Variants in EPAS1 observed in about 807,000 individuals in gnomAD.
EPAS1 encodes the protein endothelial PAS domain protein 1, also known as endothelial PAS domain-containing protein 1.
Under a neutral mutation model 87.9 loss-of-function variants are expected in EPAS1, and 23 were observed. The ratio of observed to expected loss-of-function variants is 0.26; its 90% CI spans 0.19 to 0.37. EPAS1 has a LOEUF of 0.37. Ranked by LOEUF, EPAS1 falls within the 10% of genes least tolerant of loss-of-function variation. The pLI is 1.00. For missense variants in EPAS1, 1,138 were observed against 1,120.7 expected, an observed-to-expected ratio of 1.02 and a Z score of -0.22; for synonymous variants, 508 against 444.3, an observed-to-expected ratio of 1.14 and a Z score of -1.80.
chr2:46,377,839 T>C (rs1684790452), intron 9 of EPAS1, 55 bp from the exon 10 acceptor site: 3 of 1,551,518 alleles, frequency 1.9e-6, no homozygotes, highest in Non-Finnish European at 1.7e-6. Flanking sequence ...CTCCTCTGCC[T>C]TGGGGTGAGC....
At chr2:46,356,646 G>T (rs1018345305) in intron 3 of EPAS1, 78 bp from the exon 4 acceptor site, 1 of 1,156,498 alleles carries the variant, frequency 8.6e-7, no homozygotes, top group Non-Finnish European at 1.3e-6. Context: ...TCCAAATCTG[G>T]AAGGTGGCTC....
chr2:46,307,898 G>A (rs1409457059), intron 1 of EPAS1, among the ~76,000 whole-genome samples: 1 of 152,046 alleles, frequency 6.6e-6, no homozygotes, highest in Non-Finnish European at 1.5e-5. Flanking sequence ...TGTGGATTTG[G>A]GTTTCTCTTA....
intron 1 of EPAS1, among the ~76,000 whole-genome samples, chr2:46,332,465 G>A (rs1683704895): frequency 1.3e-5 from 2 of 152,122 alleles, no homozygotes; most frequent in African/African-American, 4.8e-5. Context: ...AGGCTAGCCA[G>A]ATAAGAGGGG....
At chr2:46,378,821 C>A in intron 11 of EPAS1, 54 bp downstream of exon 11, 2 of 1,434,204 alleles carry the variant, frequency 1.4e-6, no homozygotes, top group Non-Finnish European at 2.0e-6. Flanking sequence ...TGGTGGACAG[C>A]AAAGGCTCAC....
chr2:46,302,598 A>G (rs1220685594), intron 1 of EPAS1, among the ~76,000 whole-genome samples: 4 of 152,108 alleles, frequency 2.6e-5, no homozygotes, highest in African/African-American at 9.7e-5. Context: ...ACCAGCTCTG[A>G]TATTCACCCT....
intron 1 of EPAS1, among the ~76,000 whole-genome samples, chr2:46,343,539 T>G (rs1204677251): frequency 6.6e-6 from 1 of 152,236 alleles, no homozygotes; most frequent in Non-Finnish European, 1.5e-5. Flanking sequence ...CACATCCTCA[T>G]CTATTAAATG....
intron 1 of EPAS1, among the ~76,000 whole-genome samples, chr2:46,332,944 C>T (rs1408334154): frequency 6.6e-6 from 1 of 152,166 alleles, no homozygotes; most frequent in African/African-American, 2.4e-5. Context: ...GGGGTCTGCC[C>T]TTGTCCGGAC....
intron 10 of EPAS1, 80 bp from the exon 11 acceptor site, chr2:46,378,577 G>A: frequency 1.7e-6 from 2 of 1,184,298 alleles, no homozygotes; most frequent in East Asian, 2.3e-5. Flanking sequence ...GTCCAGGAAG[G>A]TATTTCTTCT....
At chr2:46,339,091 T>C (rs923647890) in intron 1 of EPAS1, among the ~76,000 whole-genome samples, 3 of 152,252 alleles carry the variant, frequency 2.0e-5, no homozygotes, top group Non-Finnish European at 4.4e-5. Flanking sequence ...AAGGGAATAG[T>C]AAAATGCATT....
rs1177407189 is a variant in EPAS1 at position 46,375,322 on chromosome 2, G to A, written c.887-368G>A. Among the ~76,000 whole-genome samples the A allele has an allele frequency of 1.3e-5, 2 of 152,144 alleles. No individual in the cohort carries two copies. Among genetic ancestry groups the A allele is most frequent in the South Asian group, 2.1e-4 (1 of 4,818 alleles). ...GGGGCTTCTTCTCATTGAACCCCATGAAGAAAGTAAGGCAGGTTCTGGACT... is the reference window on the plus strand; with the variant it reads ...GGGGCTTCTTCTCATTGAACCCCATAAAGAAAGTAAGGCAGGTTCTGGACT... On this transcript the variant is annotated intron_variant, in intron 7 of 15. Transcript: ENST00000263734. The surrounding 1 kb of genome is among the most constrained non-coding windows in gnomAD (Gnocchi z 4.1).
intron 1 of EPAS1, among the ~76,000 whole-genome samples, chr2:46,299,744 A>C (rs1189740339): frequency 6.6e-6 from 1 of 152,226 alleles, no homozygotes; most frequent in African/African-American, 2.4e-5. Flanking sequence ...TGTACCGTAT[A>C]TACCGAGAAA....
At chr2:46,326,576 G>C (rs1022770493) in intron 1 of EPAS1, among the ~76,000 whole-genome samples, 2 of 152,186 alleles carry the variant, frequency 1.3e-5, no homozygotes, top group Non-Finnish European at 2.9e-5. Flanking sequence ...GTTCTACACA[G>C]TGTTTTAAGA....
intron 1 of EPAS1, among the ~76,000 whole-genome samples, chr2:46,342,316 A>G (rs1004968623): frequency 2.0e-5 from 3 of 152,326 alleles, no homozygotes; most frequent in African/African-American, 7.2e-5. Flanking sequence ...CACAAGCCTC[A>G]TAGAAGTGTC....
intron 1 of EPAS1, among the ~76,000 whole-genome samples, chr2:46,308,993 A>G (rs571715559): frequency 6.6e-6 from 1 of 152,318 alleles, no homozygotes; most frequent in South Asian, 2.1e-4. Flanking sequence ...TCACCACTCA[A>G]GTGGTAAGCC....
Position 46,382,582 on chromosome 2 carries a change from A to G in EPAS1, c.2445A>G (p.Ser815=). Reference sequence around the variant, plus strand: ...AGTACCAGGACTACAGCCTGTCGTCAGCCCACAAGGTGTCAGGTGGGTGTG... The same window carrying G: ...AGTACCAGGACTACAGCCTGTCGTCGGCCCACAAGGTGTCAGGTGGGTGTG... ...ATQYQDYSLS[S]AHKVSGMASR... Residue 815 remains serine, a synonymous_variant, in exon 15 of 16, where the codon TCA becomes TCG. Coordinates refer to ENST00000263734, the MANE Select transcript of EPAS1 (RefSeq NM_001430.5). 1 of 1,614,132 alleles carries G rather than the reference A, an allele frequency of 6.2e-7. No homozygotes were observed. The highest frequency in any genetic ancestry group is 2.2e-5 in the East Asian group (1 of 44,872).
chr2:46,335,006 G>T (rs993860983), intron 1 of EPAS1, among the ~76,000 whole-genome samples: 2 of 152,110 alleles, frequency 1.3e-5, no homozygotes, highest in Non-Finnish European at 2.9e-5. Context: ...TATAAAGGAA[G>T]CCCAGGACAG....
At chr2:46,330,019 G>A (rs1037226965) in intron 1 of EPAS1, among the ~76,000 whole-genome samples, 2 of 152,226 alleles carry the variant, frequency 1.3e-5, no homozygotes, top group African/African-American at 2.4e-5. Flanking sequence ...AACTAAGAAT[G>A]TGTAACTGCT....
Position 46,297,594 on chromosome 2 carries a change from C to T in EPAS1, c.-318C>T, listed in dbSNP as rs1682905252. 3 of 397,446 alleles carry T rather than the reference C, an allele frequency of 7.5e-6. No individual in the cohort carries two copies. Among genetic ancestry groups the T allele is most frequent in the Non-Finnish European group, 9.3e-6 (2 of 215,478 alleles). The allele number at this position is 397,446 out of a possible 1,614,324, so 24.6% of individuals were successfully genotyped here. A position where few individuals can be genotyped will look rare whatever the true frequency, so the allele number is the denominator to read the frequency against. ...TTTCTTTGAAAACTCAGAAAAGTGA[C>T]TCCTTTTCCAGGGAAAAAGGAACTT... On this transcript the variant is annotated 5_prime_UTR_variant, in exon 1 of 16. Coordinates refer to ENST00000263734, the MANE Select transcript of EPAS1 (RefSeq NM_001430.5).
At chr2:46,348,488 G>T (rs1379061809) in intron 2 of EPAS1, among the ~76,000 whole-genome samples, 2 of 152,216 alleles carry the variant, frequency 1.3e-5, no homozygotes, top group Non-Finnish European at 2.9e-5. Context: ...TACATAAAAA[G>T]AGTAGACAGT....
Sources: gnomAD v4.1 joint callset for allele counts (sites outside exome capture counted in the v4.1 genomes callset) on GRCh38, gnomAD v4.1.1 for gene constraint, Gnocchi (gnomAD v3.1) non-coding constraint, MANE v1.5 for transcripts, NCBI Gene and HGNC (gene_info 2026-07-23, HGNC 2026-07-21) for gene names.